Variants in GLRA1 observed in about 807,000 individuals in gnomAD.
GLRA1 encodes glycine receptor alpha 1.
A neutral mutation model predicts 48.3 loss-of-function variants in GLRA1; 37 were observed. The ratio of observed to expected loss-of-function variants is 0.77; its 90% CI spans 0.59 to 1.01. GLRA1 has a LOEUF of 1.01. Ranked by LOEUF, GLRA1 falls within the 50% of genes least tolerant of loss-of-function variation. GLRA1 has a pLI of 0.00. For missense variants in GLRA1, 427 were observed against 571.0 expected (o/e 0.75, Z 2.57); for synonymous variants, 196 against 210.7 (o/e 0.93, Z 0.60).
chr5:151,844,621 CAAAAAAAAAAA>C (rs202218874), intron 7 of GLRA1, among the ~76,000 whole-genome samples: 2 of 49,708 alleles, frequency 4.0e-5, no homozygotes, highest in African/African-American at 7.2e-5. Context: ...TACTCTATCT[CAAAAAAAAAAA>C]AAAAAAAAAG....
intron 2 of GLRA1, among the ~76,000 whole-genome samples, chr5:151,890,228 G>A (rs1204333619): frequency 6.8e-6 from 1 of 147,160 alleles, no homozygotes; most frequent in Non-Finnish European, 1.5e-5. Flanking sequence ...TAGCATATTT[G>A]TGGGGTCATT....
chr5:151,828,920 C>T lies in GLRA1; in HGVS notation c.1059+1G>A. On this transcript the variant is annotated splice_donor_variant, in intron 8 of 8. Coordinates refer to ENST00000274576, the MANE Select transcript of GLRA1 (RefSeq NM_000171.4). LOFTEE classifies it high-confidence loss of function. ...CCTTAGGCAGTGACCCAAAGGCCTA[C>T]CTTGTGATGTCTCCGCTTCCTCCTG... 1 of 1,613,918 alleles carries T rather than the reference C, an allele frequency of 6.2e-7. No individual in the cohort carries two copies. Among genetic ancestry groups the T allele is most frequent in the African/African-American group, 1.3e-5 (1 of 75,038 alleles).
chr5:151,830,723 CAAAT>C (rs113409627), intron 7 of GLRA1, among the ~76,000 whole-genome samples: 3,562 of 152,102 alleles, frequency 0.023, 130 homozygotes, highest in African/African-American at 0.081. Context: ...TCCCACAAAA[CAAAT>C]AATACGAACT....
intron 7 of GLRA1, among the ~76,000 whole-genome samples, chr5:151,837,299 A>G (rs1045426806): frequency 3.3e-5 from 5 of 152,252 alleles, no homozygotes; most frequent in Admixed American, 2.0e-4. Flanking sequence ...CATCATTAAA[A>G]AGTTAGGAAA....
chr5:151,911,989 T>C (rs1754625260), intron 1 of GLRA1, among the ~76,000 whole-genome samples: 1 of 152,194 alleles, frequency 6.6e-6, no homozygotes, highest in Non-Finnish European at 1.5e-5. Context: ...GAATGACCTG[T>C]AGTCTTTACA....
chr5:151,835,510 AAG>A (rs1763553764), intron 7 of GLRA1, among the ~76,000 whole-genome samples: 1 of 152,188 alleles, frequency 6.6e-6, no homozygotes, highest in Non-Finnish European at 1.5e-5. Context: ...ACAACAAAAA[AAG>A]AGAATTTCAG....
At chr5:151,924,433 G>T in intron 1 of GLRA1, 61 bp downstream of exon 1, 2 of 994,156 alleles carry the variant, frequency 2.0e-6, no homozygotes, top group Non-Finnish European at 3.3e-6. Flanking sequence ...GACAGAGGTA[G>T]CCTCCGTACT....
At chr5:151,919,889 C>G (rs1375067569) in intron 1 of GLRA1, among the ~76,000 whole-genome samples, 1 of 152,236 alleles carries the variant, frequency 6.6e-6, no homozygotes, top group African/African-American at 2.4e-5. Context: ...ATCATGCTGG[C>G]TTCTGCCAGC....
At chr5:151,848,843 C>T in intron 7 of GLRA1, 1 of 556,804 alleles carries the variant, frequency 1.8e-6, no homozygotes, top group Non-Finnish European at 3.4e-6. Context: ...CATGGCCTAC[C>T]TTTACCCGCC....
At chr5:151,873,299 C>A (rs1446429360) in intron 3 of GLRA1, among the ~76,000 whole-genome samples, 1 of 149,258 alleles carries the variant, frequency 6.7e-6, no homozygotes, top group Non-Finnish European at 1.5e-5. Flanking sequence ...GAATGAGATT[C>A]TTGGTTCCCT....
chr5:151,843,214 C>A (rs1277040806), intron 7 of GLRA1, among the ~76,000 whole-genome samples: 1 of 151,494 alleles, frequency 6.6e-6, no homozygotes, highest in African/African-American at 2.4e-5. Context: ...ATTAAAACTC[C>A]AGCTATTTTT....
intron 2 of GLRA1, among the ~76,000 whole-genome samples, chr5:151,891,878 G>A (rs112677915): frequency 2.6e-5 from 4 of 152,208 alleles, no homozygotes; most frequent in African/African-American, 7.2e-5. Context: ...TGAAAGCTCC[G>A]TGAAGCGTAT....
chr5:151,854,750 C>T (rs1196104466), intron 6 of GLRA1, among the ~76,000 whole-genome samples: 1 of 152,196 alleles, frequency 6.6e-6, no homozygotes, highest in African/African-American at 2.4e-5. Context: ...TAGGTGTCTT[C>T]CCAATATCAG....
At chr5:151,876,800 C>T (rs1753638258) in intron 3 of GLRA1, among the ~76,000 whole-genome samples, 1 of 152,104 alleles carries the variant, frequency 6.6e-6, no homozygotes, top group South Asian at 2.1e-4. Context: ...TATGTTGAAG[C>T]CCTAACCCCC....
At chr5:151,824,854 C>CATAT (rs1763231521) in intron 8 of GLRA1, among the ~76,000 whole-genome samples, 1 of 150,122 alleles carries the variant, frequency 6.7e-6, no homozygotes, top group African/African-American at 2.5e-5. Context: ...CAACACTGAA[C>CATAT]ATATGAACAT....
chr5:151,851,724 A>C, intron 6 of GLRA1, 120 bp from the exon 7 acceptor site: 1 of 724,770 alleles, frequency 1.4e-6, no homozygotes. Flanking sequence ...TCCTTAGACA[A>C]GTATTTGAAT....
At chr5:151,872,434 T>A (rs1235528158) in intron 3 of GLRA1, among the ~76,000 whole-genome samples, 1 of 149,544 alleles carries the variant, frequency 6.7e-6, no homozygotes, top group Non-Finnish European at 1.5e-5. Context: ...TGAAGAGAAA[T>A]AAACACTATT....
chr5:151,857,492 C>T (rs769949822), intron 4 of GLRA1, among the ~76,000 whole-genome samples: 1 of 152,118 alleles, frequency 6.6e-6, no homozygotes, highest in Non-Finnish European at 1.5e-5. Context: ...TTGAGCAGCA[C>T]CCATGTGCAC....
chr5:151,909,405 G>T (rs1386825711), intron 1 of GLRA1, among the ~76,000 whole-genome samples: 1 of 152,128 alleles, frequency 6.6e-6, no homozygotes, highest in Non-Finnish European at 1.5e-5. Context: ...AAGCTGTTTG[G>T]AAGTTAAGAG....
Sources: gnomAD v4.1 joint callset for allele counts (sites outside exome capture counted in the v4.1 genomes callset) on GRCh38, gnomAD v4.1.1 for gene constraint, MANE v1.5 for transcripts, NCBI Gene and HGNC (gene_info 2026-07-23, HGNC 2026-07-21) for gene names.